CNNM1: variants seen among roughly 807,000 people sequenced by gnomAD.
The protein encoded by CNNM1 is cyclin and CBS domain divalent metal cation transport mediator 1, also known as metal transporter CNNM1.
CNNM1 carries 44 observed loss-of-function variants against 78.8 expected under a neutral mutation model. That is an observed-to-expected ratio of 0.56 (90% CI 0.44 to 0.72). The LOEUF is 0.72. Among genes scored for constraint, CNNM1 ranks in the 30% least tolerant of loss-of-function variants. The probability of loss-of-function intolerance (pLI) is 0.00; values close to 1 mark genes in which losing one functional copy is unlikely to be tolerated. For missense variants in CNNM1, 1,101 were observed against 1,292.2 expected (o/e 0.85, Z 2.27); for synonymous variants, 584 against 581.5 (o/e 1.00, Z -0.06).
intron 1 of CNNM1, among the ~76,000 whole-genome samples, chr10:99,331,724 C>A (rs780532116): frequency 1.3e-5 from 2 of 151,454 alleles, no homozygotes; most frequent in Non-Finnish European, 2.9e-5. Flanking sequence ...TGTCTTTGCC[C>A]GGGGGGGAGG....
At position 99,329,973 on chromosome 10, in the gene CNNM1, C is replaced by T. The variant is rs922064907; in HGVS notation, c.586C>T (p.His196Tyr). The T allele has an allele frequency of 7.2e-7, 1 of 1,387,124 alleles. No homozygotes were observed. The highest frequency in any genetic ancestry group is 9.2e-7 in the Non-Finnish European group (1 of 1,081,940). The allele number at this position is 1,387,124 out of a possible 1,614,324, so 85.9% of individuals were successfully genotyped here. ...CGCCTGGGATGGGCGCGCGTGGCACCACCACGGCGCCGCCGGCGGCTTCCT... is the reference window on the plus strand; with the variant it reads ...CGCCTGGGATGGGCGCGCGTGGCACTACCACGGCGCCGCCGGCGGCTTCCT... ...LCAWDGRAWH[H>Y]HGAAGGFLLR... The change falls in exon 1 of 11, where the codon CAC becomes TAC. Residue 196 changes from histidine to tyrosine, a missense_variant. Physicochemically the swap from His to Tyr is moderately conservative, Grantham distance 83 (BLOSUM62 2). Transcript: ENST00000356713.
rs1300108200 is a variant in CNNM1, at chr10:99,329,817, G to C, written c.430G>C (p.Glu144Gln). The C allele has an allele frequency of 6.9e-7, 1 of 1,457,240 alleles. No individual in the cohort carries two copies. The highest frequency in any genetic ancestry group is 2.3e-4 in the Middle Eastern group (1 of 4,274). 90.3% of individuals were successfully genotyped at this position (1,457,240 alleles called of 1,614,324 possible). A position where few individuals can be genotyped will look rare whatever the true frequency, so the allele number is the denominator to read the frequency against. ...REQSDWASDV[E>Q]VLGPLRPGGV... ...GCAGAGCGACTGGGCATCGGACGTG[G>C]AAGTCCTGGGGCCCTTGCGTCCCGG... The change falls in exon 1 of 11, where the codon GAA (glutamate) becomes CAA (glutamine). Residue 144 changes from glutamate (E) to glutamine (Q), a missense_variant. Around this residue, in one of 3 missense-constraint regions of CNNM1, gnomAD observed 476 missense variants for 484.5 expected, o/e 0.98. Transcript: ENST00000356713.
chr10:99,355,430 AAG>A (rs1239103522), intron 1 of CNNM1, among the ~76,000 whole-genome samples: 1 of 152,234 alleles, frequency 6.6e-6, no homozygotes, highest in Non-Finnish European at 1.5e-5. Context: ...ATAATAAAAA[AAG>A]AGTTTATAAA....
Position 99,330,367 on chromosome 10 carries a change from C to T in CNNM1, c.980C>T (p.Pro327Leu), listed in dbSNP as rs1413609083. ...GAGGGGATCCACTTCCCGTGGCTGC[C>T]GGCGCTCGTGTGCACCGGCGCGGTA... ...SEEGIHFPWL[P>L]ALVCTGAVFL... The change falls in exon 1 of 11, where the codon CCG becomes CTG. Residue 327 changes from proline to leucine, a missense_variant. Coordinates refer to ENST00000356713, the MANE Select transcript of CNNM1 (RefSeq NM_020348.3). The T allele has an allele frequency of 1.3e-6, 2 of 1,598,426 alleles. No homozygotes were observed. The highest frequency in any genetic ancestry group is 1.7e-5 in the Admixed American group (1 of 58,114).
In CNNM1 at chr10:99,330,003, C is replaced by T; in HGVS notation, c.616C>T (p.Arg206Cys). ...HHGAAGGFLLRVRPRLYGPGG... is the reference protein window; with the variant it reads ...HHGAAGGFLLCVRPRLYGPGG... ...CGGCGCCGCCGGCGGCTTCCTGCTG[C>T]GCGTTCGCCCGCGGTTGTACGGCCC... is the stretch of plus-strand genomic sequence containing the variant. The change falls in exon 1 of 11, where the codon CGC becomes TGC. Residue 206 changes from arginine (R) to cysteine (C), a missense_variant. By Grantham distance (180) the Arg-to-Cys change is radical. Around this residue, in one of 3 missense-constraint regions of CNNM1, gnomAD observed 476 missense variants for 484.5 expected, o/e 0.98. Coordinates refer to ENST00000356713, the MANE Select transcript of CNNM1 (RefSeq NM_020348.3). 7.1e-7 allele frequency: 1 copy of T among 1,406,110 alleles called. No homozygotes were observed. The allele number at this position is 1,406,110 out of a possible 1,614,324, so 87.1% of individuals were successfully genotyped here.
chr10:99,358,619 C>G (rs2031311239), intron 2 of CNNM1, among the ~76,000 whole-genome samples: 1 of 152,082 alleles, frequency 6.6e-6, no homozygotes, highest in African/African-American at 2.4e-5. Flanking sequence ...GAGATCAACT[C>G]TAAAAGGTGG....
chr10:99,330,105 A>G lies in CNNM1; in HGVS notation c.718A>G (p.Ser240Gly). 6.5e-7 allele frequency: 1 copy of G among 1,550,302 alleles called. No individual in the cohort carries two copies. Reference protein sequence around the residue: ...LLLLALSALFSGLRLSLLSLD... With the variant: ...LLLLALSALFGGLRLSLLSLD... ...GCTGCTAGCCTTGTCGGCCCTGTTC[A>G]GCGGCCTGCGCCTGAGCCTGCTGTC... Residue 240 changes from serine to glycine, a missense_variant, in exon 1 of 11, where the codon AGC becomes GGC. By Grantham distance (56) the Ser-to-Gly change is moderately conservative (BLOSUM62 0). Coordinates refer to ENST00000356713, the MANE Select transcript of CNNM1 (RefSeq NM_020348.3).
At chr10:99,349,384 A>G (rs1374800248) in intron 1 of CNNM1, among the ~76,000 whole-genome samples, 2 of 152,156 alleles carry the variant, frequency 1.3e-5, no homozygotes, top group African/African-American at 2.4e-5. Context: ...TCTTTAAGAT[A>G]TATTTATCTG....
chr10:99,351,667 C>T (rs934610961), intron 1 of CNNM1, among the ~76,000 whole-genome samples: 3 of 152,124 alleles, frequency 2.0e-5, no homozygotes, highest in Non-Finnish European at 4.4e-5. Context: ...TCACCATTTC[C>T]GCCTGCACAA....
intron 7 of CNNM1, among the ~76,000 whole-genome samples, chr10:99,386,570 G>A (rs1475512845): frequency 6.6e-6 from 1 of 152,154 alleles, no homozygotes; most frequent in Non-Finnish European, 1.5e-5. Context: ...ATTCTTAACT[G>A]GTGTTTTGTG....
At position 99,356,911 on chromosome 10, in the gene CNNM1, G is replaced by A. The variant is rs145006630; in HGVS notation, c.1574-601G>A. ...ATGCCTTTATGACCTGGCCTCAGAA[G>A]TCCTATAATGAACATTCATTTCCCA... On this transcript the variant is annotated intron_variant, in intron 1 of 10. Coordinates refer to ENST00000356713, the MANE Select transcript of CNNM1 (RefSeq NM_020348.3). Among the ~76,000 whole-genome samples, 71 of 152,306 alleles carry A rather than the reference G, an allele frequency of 4.7e-4. 1 individual carries two copies. The highest frequency in any genetic ancestry group is 3.4e-3 in the Middle Eastern group (1 of 294).
In CNNM1 at chr10:99,330,928, G is replaced by T. The variant is rs748198854; in HGVS notation, c.1541G>T (p.Arg514Leu). ...RPLHCVFNDT[R>L]LDTVLEEFKK... is the part of the protein sequence containing the mutation. Reference sequence around the variant, plus strand: ...CTGCATTGTGTTTTCAATGACACCCGACTGGACACGGTTCTGGAGGAGTTT... The same window carrying T: ...CTGCATTGTGTTTTCAATGACACCCTACTGGACACGGTTCTGGAGGAGTTT... The change falls in exon 1 of 11, where the codon CGA (arginine) becomes CTA (leucine). Residue 514 changes from arginine (R) to leucine (L), a missense_variant. By Grantham distance (102) the Arg-to-Leu change is moderately radical. Coordinates refer to ENST00000356713, the MANE Select transcript of CNNM1 (RefSeq NM_020348.3). 1 of 1,613,576 alleles carries T rather than the reference G, an allele frequency of 6.2e-7. No individual in the cohort carries two copies. Among genetic ancestry groups the T allele is most frequent in the Non-Finnish European group, 8.5e-7 (1 of 1,179,866 alleles).
intron 7 of CNNM1, among the ~76,000 whole-genome samples, chr10:99,378,030 C>T (rs1203957658): frequency 7.2e-6 from 1 of 139,538 alleles, no homozygotes; most frequent in Non-Finnish European, 1.5e-5. Context: ...GTGGCGTGAT[C>T]TCGGCTCACT....
chr10:99,349,186 C>T (rs1171021337), intron 1 of CNNM1, among the ~76,000 whole-genome samples: 2 of 152,084 alleles, frequency 1.3e-5, no homozygotes, highest in African/African-American at 4.8e-5. Context: ...GAGAGATGAG[C>T]GGAAGATCAA....
Position 99,359,675 on chromosome 10 carries a change from G to A in CNNM1, c.1718-1160G>A, listed in dbSNP as rs534601624. Among the ~76,000 whole-genome samples the A allele has an allele frequency of 2.0e-5, 3 of 152,274 alleles. No homozygotes were observed. The East Asian group carries it at 5.8e-4, about 29-fold the overall frequency. On this transcript the variant is annotated intron_variant, in intron 2 of 10. Coordinates refer to ENST00000356713, the MANE Select transcript of CNNM1 (RefSeq NM_020348.3). ...CCCCAAAAGGAGAGGGGGCACACCA[G>A]GGAGCCGGATTCTGGGGCCTTATTT...
At chr10:99,356,285 G>T (rs1243804210) in intron 1 of CNNM1, among the ~76,000 whole-genome samples, 2 of 152,018 alleles carry the variant, frequency 1.3e-5, no homozygotes, top group Non-Finnish European at 2.9e-5. Flanking sequence ...AGACCATCTT[G>T]GCCAACATGG....
intron 1 of CNNM1, among the ~76,000 whole-genome samples, chr10:99,348,592 T>G (rs777291308): frequency 6.6e-6 from 1 of 152,202 alleles, no homozygotes; most frequent in Non-Finnish European, 1.5e-5. Flanking sequence ...AGATGACTCT[T>G]GGGTTATGAC....
chr10:99,336,159 A>G (rs1364478103), intron 1 of CNNM1, among the ~76,000 whole-genome samples: 3 of 152,214 alleles, frequency 2.0e-5, no homozygotes, highest in African/African-American at 4.8e-5. Flanking sequence ...TGGTGATCCC[A>G]TAAGATTACA....
Position 99,365,003 on chromosome 10 carries a change from G to C in CNNM1, c.2176+1G>C. ...AGTCTGGCTGGATCTTCTGTCTTTC[G>C]TATGTATCTCTCAAACCCCTTCCTC... On this transcript the variant is annotated splice_donor_variant, in intron 6 of 10. Coordinates refer to ENST00000356713, the MANE Select transcript of CNNM1 (RefSeq NM_020348.3). LOFTEE classifies it high-confidence loss of function. 6.2e-7 allele frequency: 1 copy of C among 1,613,836 alleles called. No homozygotes were observed. The highest frequency in any genetic ancestry group is 8.5e-7 in the Non-Finnish European group (1 of 1,179,846).
Sources: gnomAD v4.1 joint callset for allele counts (sites outside exome capture counted in the v4.1 genomes callset) on GRCh38, gnomAD v4.1.1 for gene constraint, gnomAD v4.1.1 regional missense constraint, MANE v1.5 for transcripts, NCBI Gene and HGNC (gene_info 2026-07-23, HGNC 2026-07-21) for gene names.